DOP1A: variants seen among roughly 807,000 people sequenced by gnomAD.
The protein encoded by DOP1A is DOP1 leucine zipper like protein A.
DOP1A carries 90 observed loss-of-function variants against 267.6 expected under a neutral mutation model. The observed-to-expected ratio is 0.34, with a 90% CI of 0.28 to 0.40. DOP1A has a LOEUF of 0.40. Ranked by LOEUF, DOP1A falls within the 10% of genes least tolerant of loss-of-function variation. The pLI is 1.00. For missense variants in DOP1A, 2,437 were observed against 2,900.4 expected (o/e 0.84, Z 3.67); for synonymous variants, 932 against 999.1 (o/e 0.93, Z 1.27).
chr6:83,102,819 C>A (rs1188220295), intron 4 of DOP1A, among the ~76,000 whole-genome samples: 1 of 152,226 alleles, frequency 6.6e-6, no homozygotes, highest in African/African-American at 2.4e-5. Context: ...CTGAAGTACT[C>A]TGACCCTGGC....
At position 83,096,407 on chromosome 6, in the gene DOP1A, T is replaced by C. The variant is rs1393881590; in HGVS notation, c.-146-324T>C. 1.1e-4 allele frequency among the ~76,000 whole-genome samples: 17 copies of C among 150,896 alleles called. No individual in the cohort carries two copies. The Admixed American group carries it at 1.1e-3, about 10-fold the overall frequency. On this transcript the variant is annotated intron_variant, in intron 1 of 38. Coordinates refer to ENST00000349129, the MANE Select transcript of DOP1A (RefSeq NM_015018.4). The stretch of plus-strand genomic sequence containing the variant: ...TGTGGGCATACTTTAAACCACCACA[T>C]GTTCTTGTCAGTTTTATTCAAAGTA...
At chr6:83,157,397 T>A in intron 35 of DOP1A, 79 bp downstream of exon 35, 1 of 1,441,334 alleles carries the variant, frequency 6.9e-7, no homozygotes, top group Non-Finnish European at 9.7e-7. Context: ...TACTAGATAT[T>A]AACGAATATT....
intron 1 of DOP1A, among the ~76,000 whole-genome samples, chr6:83,090,447 A>G (rs1770140986): frequency 1.3e-5 from 2 of 152,046 alleles, no homozygotes; most frequent in African/African-American, 2.4e-5. Context: ...AAGTATGTCT[A>G]TTTATTTTGT....
At chr6:83,169,030 G>C (rs1583238315), downstream of DOP1A, 1 of 1,362,694 alleles carries the variant, frequency 7.3e-7, no homozygotes, top group Non-Finnish European at 9.5e-7. Flanking sequence ...ACTGAAATTA[G>C]AGGTAAATTT....
chr6:83,160,863 T>C (rs936778018), intron 37 of DOP1A, among the ~76,000 whole-genome samples: 2 of 152,126 alleles, frequency 1.3e-5, no homozygotes, highest in Admixed American at 1.3e-4. Context: ...TTGGACATGC[T>C]CCAAAATTTG....
At position 83,140,258 on chromosome 6, in the gene DOP1A, C is replaced by T; in HGVS notation, c.5270C>T (p.Ala1757Val). 3 of 1,613,094 alleles carry T rather than the reference C, an allele frequency of 1.9e-6. No individual in the cohort carries two copies. The highest frequency in any genetic ancestry group is 2.5e-6 in the Non-Finnish European group (3 of 1,179,732). ...GTAGACCAGAAACACTTGTTTGAAG[C>T]ACGCAGTGGAATCCTCTCAATCCTT... Reference protein sequence around the residue: ...VSVDQKHLFEARSGILSILHM... With the variant: ...VSVDQKHLFEVRSGILSILHM... Residue 1757 changes from alanine (A) to valine (V), a missense_variant, in exon 23 of 39, where the codon GCA becomes GTA. Coordinates refer to ENST00000349129, the MANE Select transcript of DOP1A (RefSeq NM_015018.4).
downstream of DOP1A, among the ~76,000 whole-genome samples, chr6:83,170,051 G>A (rs1484433118): frequency 6.6e-6 from 1 of 152,132 alleles, no homozygotes; most frequent in African/African-American, 2.4e-5. Context: ...TTCCTGCCAT[G>A]GTTAAAAATA....
intron 8 of DOP1A, 71 bp from the exon 9 acceptor site, chr6:83,119,677 G>A (rs1233943954): frequency 1.5e-6 from 2 of 1,304,536 alleles, no homozygotes; most frequent in African/African-American, 2.9e-5. Context: ...AGATTTTGCT[G>A]TTTTGGTATT....
chr6:83,098,201 A>T (rs7741177), intron 3 of DOP1A, among the ~76,000 whole-genome samples: 99,298 of 152,134 alleles, frequency 0.65, 33,903 homozygotes, highest in Middle Eastern at 0.78. Flanking sequence ...ATAGCTTAAC[A>T]TACAAATTAG....
chr6:83,077,043 C>T (rs938285668), intron 1 of DOP1A, among the ~76,000 whole-genome samples: 9 of 152,114 alleles, frequency 5.9e-5, no homozygotes, highest in Non-Finnish European at 1.3e-4. Context: ...AATATGGTTC[C>T]CCTTACATGA....
At chr6:83,135,586 G>C (rs758396028) in intron 19 of DOP1A, 33 bp from the exon 20 acceptor site, 2 of 1,586,268 alleles carry the variant, frequency 1.3e-6, no homozygotes, top group Non-Finnish European at 1.7e-6. Flanking sequence ...TAGATGTTTG[G>C]TTCTTTATTT....
downstream of DOP1A, chr6:83,169,624 CAGTA>C (rs879640177): frequency 5.8e-5 from 27 of 461,856 alleles, no homozygotes; most frequent in Non-Finnish European, 2.1e-5. Flanking sequence ...ATTGGCCTAA[CAGTA>C]AGTAAGTACT....
chr6:83,077,503 C>T (rs919758604), intron 1 of DOP1A, among the ~76,000 whole-genome samples: 10 of 150,108 alleles, frequency 6.7e-5, no homozygotes, highest in Non-Finnish European at 1.2e-4. Flanking sequence ...ACCCTGTCTA[C>T]AAAAAAAAAT....
chr6:83,153,927 C>T lies in DOP1A; in HGVS notation c.6273C>T (p.Val2091=). 6.2e-7 allele frequency: 1 copy of T among 1,613,388 alleles called. No individual in the cohort carries two copies. Among genetic ancestry groups the T allele is most frequent in the Non-Finnish European group, 8.5e-7 (1 of 1,179,864 alleles). ...ATGCCCCTAGTTATCGAGCTTGTGT[C>T]CAGCTGCTCAGCAGTCTTAGTGGGT... ...AHNAPSYRAC[V]QLLSSLSGYQ... The change falls in exon 32 of 39, where the codon GTC becomes GTT. Residue 2091 remains valine (V), a synonymous_variant. Transcript: ENST00000349129.
chr6:83,120,158 T>TCAGG (rs1301501175), intron 9 of DOP1A, among the ~76,000 whole-genome samples: 1 of 151,956 alleles, frequency 6.6e-6, no homozygotes, highest in African/African-American at 2.4e-5. Flanking sequence ...CAAAAATGAG[T>TCAGG]CAGGACCTGT....
Position 83,137,396 on chromosome 6 carries a change from T to C in DOP1A, c.3354T>C (p.Ala1118=). Residue 1118 remains alanine, a synonymous_variant, in exon 21 of 39, where the codon GCT becomes GCC. Transcript: ENST00000349129. Reference sequence around the variant, plus strand: ...ACTCGGGATGTTCACAGTCCTCTGCTGGGGACAACTTGAGTTACGAAGTTG... The same window carrying C: ...ACTCGGGATGTTCACAGTCCTCTGCCGGGGACAACTTGAGTTACGAAGTTG... The part of the protein sequence containing the change: ...SSDSGCSQSS[A]GDNLSYEVDP... The C allele has an allele frequency of 6.2e-7, 1 of 1,613,864 alleles. No homozygotes were observed. The highest frequency in any genetic ancestry group is 1.3e-5 in the African/African-American group (1 of 75,030).
In DOP1A at chr6:83,138,667, G is replaced by A. The variant is rs1309013897; in HGVS notation, c.4625G>A (p.Trp1542Ter). ...LLSSIFSAQK[W>*]HSEKMAGKNL... ...TCATCTATCTTTAGTGCTCAGAAAT[G>A]GCATAGTGAAAAAATGGCAGGTAAG... Residue 1542 changes from tryptophan to a stop codon, truncating the protein, a stop_gained, in exon 21 of 39, where the codon TGG (tryptophan) becomes TAG (stop). Coordinates refer to ENST00000349129, the MANE Select transcript of DOP1A (RefSeq NM_015018.4). LOFTEE classifies it high-confidence loss of function. The A allele has an allele frequency of 6.2e-7, 1 of 1,613,870 alleles. No homozygotes were observed. Among genetic ancestry groups the A allele is most frequent in the Non-Finnish European group, 8.5e-7 (1 of 1,179,916 alleles).
At chr6:83,120,614 A>T in intron 9 of DOP1A, 69 bp from the exon 10 acceptor site, 1 of 1,296,932 alleles carries the variant, frequency 7.7e-7, no homozygotes, top group Non-Finnish European at 1.1e-6. Context: ...ATTTAAAAAT[A>T]CTTTTTCTTA....
At chr6:83,123,560 A>G (rs1371470870) in intron 12 of DOP1A, among the ~76,000 whole-genome samples, 4 of 152,022 alleles carry the variant, frequency 2.6e-5, no homozygotes, top group Admixed American at 2.6e-4. Flanking sequence ...TCAAAATGTA[A>G]TTATGTACGA....
Sources: gnomAD v4.1 joint callset for allele counts (sites outside exome capture counted in the v4.1 genomes callset) on GRCh38, gnomAD v4.1.1 for gene constraint, MANE v1.5 for transcripts, NCBI Gene and HGNC (gene_info 2026-07-23, HGNC 2026-07-21) for gene names.